The following CAMTA1 variants were observed in gnomAD, a reference collection of about 807,000 sequenced individuals.
The protein encoded by CAMTA1 is calmodulin-binding transcription activator 1.
Under a neutral mutation model 170.9 loss-of-function variants are expected in CAMTA1, and 27 were observed. The ratio of observed to expected loss-of-function variants is 0.16; its 90% CI spans 0.12 to 0.22. CAMTA1 has a LOEUF of 0.22. Ranked by LOEUF, CAMTA1 falls within the 10% of genes least tolerant of loss-of-function variation. CAMTA1 has a pLI of 1.00. For missense variants in CAMTA1, 1,619 were observed against 2,217.2 expected, an observed-to-expected ratio of 0.73 and a Z score of 5.42; for synonymous variants, 833 against 891.5, an observed-to-expected ratio of 0.93 and a Z score of 1.17.
chr1:7,632,247 C>T (rs1163687124), intron 6 of CAMTA1, among the ~76,000 whole-genome samples: 1 of 152,256 alleles, frequency 6.6e-6, no homozygotes, highest in Non-Finnish European at 1.5e-5. Context: ...GTGACGCAGG[C>T]AATGCTGCTT....
intron 2 of CAMTA1, among the ~76,000 whole-genome samples, chr1:6,823,305 C>G (rs929553362): frequency 6.6e-6 from 1 of 152,066 alleles, no homozygotes; most frequent in Non-Finnish European, 1.5e-5. Flanking sequence ...ATAAGATTAC[C>G]GAGGTTTTAT....
rs1304130086 is a variant in CAMTA1 at position 6,887,496 on chromosome 1, A to C, written c.234+62286A>C. 1.3e-5 allele frequency among the ~76,000 whole-genome samples: 2 copies of C among 152,184 alleles called. No homozygotes were observed. Among genetic ancestry groups the C allele is most frequent in the Non-Finnish European group, 2.9e-5 (2 of 68,032 alleles). Reference sequence around the variant, plus strand: ...GGTGGGGGTAGATACATACCTGTTCATCTGTATACGTATGTGTGTGTTTAA... The same window carrying C: ...GGTGGGGGTAGATACATACCTGTTCCTCTGTATACGTATGTGTGTGTTTAA... On this transcript the variant is annotated intron_variant, in intron 3 of 22. Transcript: ENST00000303635. This position sits in a 1 kb window ranked among gnomAD's most constrained non-coding sequence, Gnocchi z 4.1.
At chr1:7,204,370 T>C (rs551425121) in intron 4 of CAMTA1, among the ~76,000 whole-genome samples, 55 of 152,292 alleles carry the variant, frequency 3.6e-4, no homozygotes, top group African/African-American at 1.3e-3. Flanking sequence ...TGTGTCTTCA[T>C]GTTTACCAAT....
intron 6 of CAMTA1, among the ~76,000 whole-genome samples, chr1:7,488,885 G>C (rs540653601): frequency 1.3e-5 from 2 of 151,908 alleles, no homozygotes; most frequent in Non-Finnish European, 2.9e-5. Flanking sequence ...CATTGCAGAC[G>C]TGTACATATG....
intron 5 of CAMTA1, among the ~76,000 whole-genome samples, chr1:7,272,527 G>A (rs1669949238): frequency 6.6e-6 from 1 of 151,866 alleles, no homozygotes; most frequent in Non-Finnish European, 1.5e-5. Flanking sequence ...AGTCAGTGAG[G>A]TATTGGCATA....
chr1:7,686,354 T>C (rs183962514), intron 11 of CAMTA1, among the ~76,000 whole-genome samples: 1 of 152,128 alleles, frequency 6.6e-6, no homozygotes, highest in Admixed American at 6.5e-5. Flanking sequence ...GAGAAGGTGA[T>C]ATTCAAGCTG....
At chr1:7,714,270 C>T (rs1251755911) in intron 11 of CAMTA1, among the ~76,000 whole-genome samples, 1 of 152,152 alleles carries the variant, frequency 6.6e-6, no homozygotes, top group African/African-American at 2.4e-5. Flanking sequence ...AAAGCTTTTC[C>T]TTCAAGAAAT....
In CAMTA1 at chr1:7,562,254, C is replaced by T. The variant is rs2094966955; in HGVS notation, c.511-78146C>T. On this transcript the variant is annotated intron_variant, in intron 6 of 22. Transcript: ENST00000303635. This position sits in a 1 kb window ranked among gnomAD's most constrained non-coding sequence, Gnocchi z 4.8. ...AAAACTTTAAAGAATGTGTGTTAGA[C>T]AACTGTCACTCAGCATATTTGATGG... is the stretch of plus-strand genomic sequence containing the variant. Among the ~76,000 whole-genome samples, 1 of 152,198 alleles carries T rather than the reference C, an allele frequency of 6.6e-6. No individual in the cohort carries two copies. The highest frequency in any genetic ancestry group is 1.5e-5 in the Non-Finnish European group (1 of 68,044).
At chr1:7,519,044 A>G (rs1165112672) in intron 6 of CAMTA1, among the ~76,000 whole-genome samples, 1 of 152,010 alleles carries the variant, frequency 6.6e-6, no homozygotes, top group Non-Finnish European at 1.5e-5. Context: ...CCCATCCATC[A>G]CCAGACAGCC....
At chr1:7,117,537 G>A (rs1042569509) in intron 4 of CAMTA1, among the ~76,000 whole-genome samples, 1 of 152,056 alleles carries the variant, frequency 6.6e-6, no homozygotes, top group Non-Finnish European at 1.5e-5. Flanking sequence ...CTCCTGCCAT[G>A]GATGACTTCC....
At chr1:7,636,192 G>A (rs1257119633) in intron 6 of CAMTA1, among the ~76,000 whole-genome samples, 2 of 151,618 alleles carry the variant, frequency 1.3e-5, no homozygotes, top group Non-Finnish European at 1.5e-5. Flanking sequence ...TGAGTTGAAA[G>A]GGGTAGATCT....
At chr1:7,277,067 G>A (rs1212627104) in intron 5 of CAMTA1, among the ~76,000 whole-genome samples, 1 of 152,122 alleles carries the variant, frequency 6.6e-6, no homozygotes, top group East Asian at 1.9e-4. Context: ...AATTAAAGAA[G>A]ACTTAAATAA....
At chr1:7,399,008 A>G (rs1049010569) in intron 5 of CAMTA1, among the ~76,000 whole-genome samples, 1 of 152,050 alleles carries the variant, frequency 6.6e-6, no homozygotes, top group Admixed American at 6.6e-5. Flanking sequence ...TTATTTTAGC[A>G]TAGTTATTGT....
At position 7,224,896 on chromosome 1, in the gene CAMTA1, G is replaced by A. The variant is rs537558683; in HGVS notation, c.303-24595G>A. 3.7e-4 allele frequency among the ~76,000 whole-genome samples: 57 copies of A among 152,282 alleles called. No homozygotes were observed. Among genetic ancestry groups the A allele is most frequent in the Non-Finnish European group, 6.8e-4 (46 of 68,016 alleles). On this transcript the variant is annotated intron_variant, in intron 4 of 22. Coordinates refer to ENST00000303635, the MANE Select transcript of CAMTA1 (RefSeq NM_015215.4). The surrounding 1 kb of genome is among the most constrained non-coding windows in gnomAD (Gnocchi z 5.2). Reference sequence around the variant, plus strand: ...ATGGGCTGCTGCCCTGATGAGTCTCGGGTCACATGAGCTGCATCCTTATTG... The same window carrying A: ...ATGGGCTGCTGCCCTGATGAGTCTCAGGTCACATGAGCTGCATCCTTATTG...
chr1:7,764,987 G>A (rs2097007951), intron 22 of CAMTA1, among the ~76,000 whole-genome samples: 1 of 151,944 alleles, frequency 6.6e-6, no homozygotes, highest in Non-Finnish European at 1.5e-5. Context: ...TTACTTTACT[G>A]GTATAACTTA....
At chr1:7,164,849 A>C (rs1435027389) in intron 4 of CAMTA1, among the ~76,000 whole-genome samples, 1 of 152,254 alleles carries the variant, frequency 6.6e-6, no homozygotes, top group Non-Finnish European at 1.5e-5. Context: ...AGAATGATGC[A>C]GACAAATATT....
chr1:7,555,667 C>G (rs912172501), intron 6 of CAMTA1, among the ~76,000 whole-genome samples: 2 of 152,158 alleles, frequency 1.3e-5, no homozygotes, highest in African/African-American at 4.8e-5. Flanking sequence ...ATGGGTGGCT[C>G]TGGTCACATT....
chr1:7,478,715 T>TATTC (rs2149607022), intron 6 of CAMTA1, among the ~76,000 whole-genome samples: 1 of 151,854 alleles, frequency 6.6e-6, no homozygotes, highest in South Asian at 2.1e-4. Context: ...TTACTATCTT[T>TATTC]ATCAAGCCAA....
chr1:6,910,919 A>C (rs892755858), intron 3 of CAMTA1, among the ~76,000 whole-genome samples: 2 of 152,166 alleles, frequency 1.3e-5, no homozygotes, highest in Non-Finnish European at 2.9e-5. Context: ...ACAGTGAGGA[A>C]ATGGAAGTGG....
Sources: gnomAD v4.1 joint callset for allele counts (sites outside exome capture counted in the v4.1 genomes callset) on GRCh38, gnomAD v4.1.1 for gene constraint, Gnocchi (gnomAD v3.1) non-coding constraint, MANE v1.5 for transcripts, NCBI Gene and HGNC (gene_info 2026-07-23, HGNC 2026-07-21) for gene names.